Variants in TGM2 observed in about 807,000 individuals in gnomAD.
The protein encoded by TGM2 is transglutaminase 2.
TGM2 carries 53 observed loss-of-function variants against 75.6 expected under a neutral mutation model. The observed-to-expected ratio is 0.70, with a 90% CI of 0.56 to 0.88. TGM2 has a LOEUF of 0.88. Among genes scored for constraint, TGM2 ranks in the 40% least tolerant of loss-of-function variants. TGM2 has a pLI of 0.00. For missense variants in TGM2, 842 were observed against 928.5 expected (o/e 0.91, Z 1.21); for synonymous variants, 374 against 381.1 (o/e 0.98, Z 0.22).
At position 38,139,491 on chromosome 20, in the gene TGM2, G is replaced by T; in HGVS notation, c.1263C>A (p.Ile421=). Residue 421 remains isoleucine, a synonymous_variant, in exon 9 of 13, where the codon ATC becomes ATA. Transcript: ENST00000361475. ...TCTTAGTGCTGATCTTCAGCCCAAC[G>T]ATCAGGGAACGGTTGATGGATTTGT... ...SVHKSINRSL[I]VGLKISTKSV... 3.1e-6 allele frequency: 5 copies of T among 1,614,170 alleles called. No individual in the cohort carries two copies. The highest frequency in any genetic ancestry group is 4.2e-6 in the Non-Finnish European group (5 of 1,180,034).
chr20:38,137,854 C>G, intron 10 of TGM2: 1 of 736,608 alleles, frequency 1.4e-6, no homozygotes, highest in East Asian at 3.0e-5. Flanking sequence ...AACTGTGCAA[C>G]CTTAAGAAAA....
At chr20:38,162,057 T>C (rs941710143) in intron 1 of TGM2, among the ~76,000 whole-genome samples, 1 of 152,212 alleles carries the variant, frequency 6.6e-6, no homozygotes, top group Admixed American at 6.5e-5. Flanking sequence ...CTGGGCCAAG[T>C]GATGGCTCCT....
rs1356311091 is a variant in TGM2, at chr20:38,148,048, A to G, written c.594T>C (p.Asp198=). 3 of 1,614,036 alleles carry G rather than the reference A, an allele frequency of 1.9e-6. No homozygotes were observed. Among genetic ancestry groups the G allele is most frequent in the Non-Finnish European group, 2.5e-6 (3 of 1,180,036 alleles). The change falls in exon 5 of 13, where the codon GAT becomes GAC. Residue 198 remains aspartate (D), a synonymous_variant. Coordinates refer to ENST00000361475, the MANE Select transcript of TGM2 (RefSeq NM_004613.4). ...GILDICLILL[D]VNPKFLKNAG... is the part of the protein sequence containing the mutation. ...CGTTCTTCAGGAACTTGGGGTTGAC[A>G]TCTAGAAGGATCAGGCAGATGTCTA...
chr20:38,142,379 C>A (rs1262395539), intron 6 of TGM2, among the ~76,000 whole-genome samples, 180 bp from the exon 7 acceptor site: 1 of 152,198 alleles, frequency 6.6e-6, no homozygotes, highest in African/African-American at 2.4e-5. Flanking sequence ...CATGTCCATT[C>A]TATGCCCCTC....
upstream of TGM2, chr20:38,165,457 G>C (rs565333775): frequency 1.4e-4 from 80 of 570,262 alleles, no homozygotes; most frequent in Non-Finnish European, 2.2e-4. Flanking sequence ...GGCGCCCCCT[G>C]GGGGAGCGGA....
intron 9 of TGM2, among the ~76,000 whole-genome samples, 165 bp downstream of exon 9, chr20:38,139,247 G>C (rs1357791978): frequency 6.6e-6 from 1 of 152,214 alleles, no homozygotes; most frequent in East Asian, 1.9e-4. Context: ...CAACATGTTT[G>C]CTCCTGTTTC....
At chr20:38,142,790 C>T (rs540609628) in intron 6 of TGM2, among the ~76,000 whole-genome samples, 1 of 152,350 alleles carries the variant, frequency 6.6e-6, no homozygotes, top group African/African-American at 2.4e-5. Flanking sequence ...GAGGTCAAGG[C>T]CAGTGCCCTG....
At chr20:38,168,320 G>C (rs974329424), upstream of TGM2, among the ~76,000 whole-genome samples, 1 of 152,198 alleles carries the variant, frequency 6.6e-6, no homozygotes, top group African/African-American at 2.4e-5. Flanking sequence ...CCCTCTCTGG[G>C]TTTCAGTTTT....
At chr20:38,165,636 G>A (rs1221575245), upstream of TGM2, among the ~76,000 whole-genome samples, 1 of 150,944 alleles carries the variant, frequency 6.6e-6, no homozygotes, top group East Asian at 2.0e-4. Context: ...GGACTCTTAG[G>A]TCAGATCTGG....
intron 5 of TGM2, 112 bp from the exon 6 acceptor site, chr20:38,147,006 G>T: frequency 8.3e-7 from 1 of 1,201,478 alleles, no homozygotes; most frequent in Non-Finnish European, 1.2e-6. Context: ...GAGCTCCAGG[G>T]TGAGGAAAGA....
intron 6 of TGM2, among the ~76,000 whole-genome samples, chr20:38,142,579 G>A (rs1432900491): frequency 2.0e-5 from 3 of 152,318 alleles, no homozygotes; most frequent in East Asian, 1.9e-4. Context: ...GGTGGTGCAC[G>A]CCTGTAATCC....
At chr20:38,165,327 G>C (rs918585883), upstream of TGM2, 1 of 1,437,004 alleles carries the variant, frequency 7.0e-7, no homozygotes. Flanking sequence ...CCGGGGGCGG[G>C]GCCCCGCGGG....
At chr20:38,161,640 C>A (rs1207961195) in intron 1 of TGM2, 41 bp from the exon 2 acceptor site, 1 of 1,612,070 alleles carries the variant, frequency 6.2e-7, no homozygotes, top group Non-Finnish European at 8.5e-7. Flanking sequence ...CGGGGGCATC[C>A]TTCAGACCTC....
intron 11 of TGM2, 123 bp downstream of exon 11, chr20:38,132,217 C>G: frequency 6.3e-6 from 7 of 1,104,310 alleles, no homozygotes; most frequent in South Asian, 5.4e-5. Context: ...ATTTGAGGAT[C>G]GCTAAGGCAC....
intron 3 of TGM2, among the ~76,000 whole-genome samples, chr20:38,154,657 C>G (rs1005585180): frequency 6.6e-6 from 1 of 152,192 alleles, no homozygotes; most frequent in Non-Finnish European, 1.5e-5. Flanking sequence ...TGTCATCTCC[C>G]CCTTGGGATT....
Position 38,148,004 on chromosome 20 carries a change from C to G in TGM2, c.638G>C (p.Arg213Pro). 1 of 1,608,082 alleles carries G rather than the reference C, an allele frequency of 6.2e-7. No individual in the cohort carries two copies. The highest frequency in any genetic ancestry group is 8.5e-7 in the Non-Finnish European group (1 of 1,176,980). ...FLKNAGRDCS[R>P]RSSPVYVGRV... ...GCCCACGTAGACGGGGCTGCTGCGG[C>G]GGGAGCAGTCACGGCCGGCGTTCTT... The change falls in exon 5 of 13, where the codon CGC becomes CCC. Residue 213 changes from arginine (R) to proline (P), a missense_variant. Transcript: ENST00000361475.
At chr20:38,131,349 A>ACCCCCCCC (rs111895659) in intron 11 of TGM2, 120 bp from the exon 12 acceptor site, 1 of 1,312,808 alleles carries the variant, frequency 7.6e-7, no homozygotes, top group Non-Finnish European at 1.0e-6. Context: ...TGCCACGATC[A>ACCCCCCCC]CCCCCCCTCC....
In TGM2 at chr20:38,131,124, C is replaced by G; in HGVS notation, c.1882G>C (p.Gly628Arg). 1 of 1,613,368 alleles carries G rather than the reference C, an allele frequency of 6.2e-7. No individual in the cohort carries two copies. The highest frequency in any genetic ancestry group is 8.5e-7 in the Non-Finnish European group (1 of 1,180,004). ...ACCGTCTTCTGCTCCTCAGTCAGGC[C>G]GGCCCCCTCCACAGTGAAGGTGCAG... Reference protein sequence around the residue: ...EGCTFTVEGAGLTEEQKTVEI... With the variant: ...EGCTFTVEGARLTEEQKTVEI... The change falls in exon 12 of 13, where the codon GGC becomes CGC. Residue 628 changes from glycine (G) to arginine (R), a missense_variant. Transcript: ENST00000361475.
intron 3 of TGM2, among the ~76,000 whole-genome samples, chr20:38,155,477 G>A (rs1002548565): frequency 2.6e-5 from 4 of 152,078 alleles, no homozygotes; most frequent in African/African-American, 4.8e-5. Context: ...AATTAGCTGG[G>A]ACCACAGGCG....
Sources: allele counts gnomAD v4.1 joint callset (sites outside exome capture counted in the v4.1 genomes callset), GRCh38; gene constraint gnomAD v4.1.1; transcripts MANE v1.5; gene names NCBI Gene and HGNC (gene_info 2026-07-23, HGNC 2026-07-21).